Variants in CNTNAP5 observed in about 807,000 individuals in gnomAD.
The protein encoded by CNTNAP5 is contactin associated protein family member 5.
Under a neutral mutation model 150.2 loss-of-function variants are expected in CNTNAP5, and 72 were observed. That is an observed-to-expected ratio of 0.48 (90% CI 0.40 to 0.58). The LOEUF (loss-of-function observed/expected upper bound fraction) is 0.58, where lower values mean the gene tolerates loss of function less well. Among genes scored for constraint, CNTNAP5 ranks in the 20% least tolerant of loss-of-function variants. CNTNAP5 has a pLI of 0.00. For synonymous variants in CNTNAP5, 672 were observed against 619.8 expected (o/e 1.08, Z -1.25); for missense variants, 1,636 against 1,626.2 (o/e 1.01, Z -0.10).
At chr2:124,269,821 A>C in intron 3 of CNTNAP5, among the ~76,000 whole-genome samples, 1 of 152,308 alleles carries the variant, frequency 6.6e-6, no homozygotes, top group South Asian at 2.1e-4. Flanking sequence ...TTTCTGTAGT[A>C]AAATAGGTCA....
At chr2:124,393,950 C>T (rs181033504) in intron 3 of CNTNAP5, among the ~76,000 whole-genome samples, 21 of 152,276 alleles carry the variant, frequency 1.4e-4, no homozygotes, top group Middle Eastern at 6.8e-3. Flanking sequence ...CTTCTAGTCA[C>T]CAATATTTTA....
At chr2:124,779,475 A>G (rs2104618610) in intron 17 of CNTNAP5, among the ~76,000 whole-genome samples, 1 of 152,302 alleles carries the variant, frequency 6.6e-6, no homozygotes, top group South Asian at 2.1e-4. Context: ...ACCCAACCTG[A>G]GAATCAGGTA....
chr2:124,895,383 T>C (rs1678282201), intron 21 of CNTNAP5, among the ~76,000 whole-genome samples: 1 of 151,616 alleles, frequency 6.6e-6, no homozygotes, highest in South Asian at 2.1e-4. Context: ...CCCAGCACTT[T>C]AGAATTCTAA....
At chr2:124,236,898 G>A (rs1312856510) in intron 2 of CNTNAP5, among the ~76,000 whole-genome samples, 5 of 152,128 alleles carry the variant, frequency 3.3e-5, no homozygotes, top group African/African-American at 9.7e-5. Context: ...AGGACGAGGC[G>A]GGTGGATCAC....
intron 16 of CNTNAP5, among the ~76,000 whole-genome samples, chr2:124,769,511 G>C (rs947388341): frequency 1.3e-5 from 2 of 152,152 alleles, no homozygotes; most frequent in African/African-American, 4.8e-5. Context: ...GTTCATGATA[G>C]AGCTAATGCT....
At chr2:124,399,268 G>A (rs1691343756) in intron 3 of CNTNAP5, among the ~76,000 whole-genome samples, 1 of 152,042 alleles carries the variant, frequency 6.6e-6, no homozygotes, top group Non-Finnish European at 1.5e-5. Context: ...GATAAATGTG[G>A]GTTATTATGT....
chr2:124,274,494 G>GC (rs1573883828), intron 3 of CNTNAP5, among the ~76,000 whole-genome samples: 1 of 151,176 alleles, frequency 6.6e-6, no homozygotes, highest in Non-Finnish European at 1.5e-5. Context: ...AGACAATCAG[G>GC]TTTTTTTTTC....
chr2:124,721,076 A>C (rs1437543869), intron 13 of CNTNAP5, among the ~76,000 whole-genome samples: 2 of 152,182 alleles, frequency 1.3e-5, no homozygotes, highest in African/African-American at 4.8e-5. Flanking sequence ...AAGATAGTGT[A>C]AACCAACACT....
chr2:124,866,462 C>T (rs531521369), intron 20 of CNTNAP5, among the ~76,000 whole-genome samples: 1 of 152,236 alleles, frequency 6.6e-6, no homozygotes, highest in East Asian at 1.9e-4. Flanking sequence ...GTGGTGGAAG[C>T]AGGCACAGGT....
intron 3 of CNTNAP5, among the ~76,000 whole-genome samples, chr2:124,298,316 T>A (rs1035918660): frequency 1.3e-5 from 2 of 152,138 alleles, no homozygotes; most frequent in African/African-American, 4.8e-5. Context: ...CTTATTTTCA[T>A]GGCCCAAAAA....
At chr2:124,126,342 C>G (rs1200243935) in intron 1 of CNTNAP5, among the ~76,000 whole-genome samples, 2 of 152,120 alleles carry the variant, frequency 1.3e-5, no homozygotes, top group Admixed American at 6.6e-5. Flanking sequence ...CATACACCCT[C>G]CCAAGACTAA....
At chr2:124,548,391 T>A (rs948261876) in intron 10 of CNTNAP5, among the ~76,000 whole-genome samples, 3 of 152,222 alleles carry the variant, frequency 2.0e-5, no homozygotes, top group Non-Finnish European at 4.4e-5. Flanking sequence ...AAGCCCCAGA[T>A]GCAGATCAGA....
chr2:124,522,858 C>G (rs1226808848), intron 8 of CNTNAP5, among the ~76,000 whole-genome samples: 1 of 152,214 alleles, frequency 6.6e-6, no homozygotes, highest in Non-Finnish European at 1.5e-5. Context: ...CACGACTCCC[C>G]TTAACTGTCA....
intron 3 of CNTNAP5, among the ~76,000 whole-genome samples, chr2:124,337,805 T>A (rs56725699): frequency 2.0e-5 from 3 of 150,250 alleles, no homozygotes; most frequent in African/African-American, 7.4e-5. Flanking sequence ...AGTCAGGTAG[T>A]GTGATGCCTC....
At chr2:124,651,866 C>G (rs575677476) in intron 13 of CNTNAP5, among the ~76,000 whole-genome samples, 1 of 152,260 alleles carries the variant, frequency 6.6e-6, no homozygotes, top group Non-Finnish European at 1.5e-5. Context: ...TTCCATGGCT[C>G]ACGCACCCCT....
chr2:124,706,746 CAAG>C (rs747166844), intron 13 of CNTNAP5, among the ~76,000 whole-genome samples: 667 of 52,110 alleles, frequency 0.013, 12 homozygotes, highest in East Asian at 0.026. Context: ...GACTCTGTTT[CAAG>C]AAGAAGAAGA....
At chr2:124,229,826 A>T (rs529660449) in intron 2 of CNTNAP5, among the ~76,000 whole-genome samples, 1 of 152,248 alleles carries the variant, frequency 6.6e-6, no homozygotes, top group East Asian at 1.9e-4. Flanking sequence ...ACTTTAGATG[A>T]TTAAAAGGAA....
At chr2:124,894,544 T>C (rs1379782380) in intron 21 of CNTNAP5, among the ~76,000 whole-genome samples, 1 of 151,182 alleles carries the variant, frequency 6.6e-6, no homozygotes, top group African/African-American at 2.5e-5. Flanking sequence ...GTTTTTTATT[T>C]TCTTTTTTCT....
intron 1 of CNTNAP5, among the ~76,000 whole-genome samples, chr2:124,117,546 G>A (rs553782698): frequency 1.3e-5 from 2 of 152,234 alleles, no homozygotes; most frequent in East Asian, 3.9e-4. Flanking sequence ...CGAAGGAAAA[G>A]AATATTTAAA....
Sources: gnomAD v4.1 joint callset for allele counts (sites outside exome capture counted in the v4.1 genomes callset) on GRCh38, gnomAD v4.1.1 for gene constraint, MANE v1.5 for transcripts, NCBI Gene and HGNC (gene_info 2026-07-23, HGNC 2026-07-21) for gene names.